Variants in PKD1L1 observed in about 807,000 individuals in gnomAD.
The protein encoded by PKD1L1 is polycystin-1-like protein 1.
PKD1L1 carries 236 observed loss-of-function variants against 323.4 expected under a neutral mutation model. That is an observed-to-expected ratio of 0.73 (90% CI 0.66 to 0.81). The LOEUF is 0.81. Ranked by LOEUF, PKD1L1 falls within the 40% of genes least tolerant of loss-of-function variation. The probability of loss-of-function intolerance (pLI) is 0.00; values close to 1 mark genes in which losing one functional copy is unlikely to be tolerated. For missense variants in PKD1L1, 3,320 were observed against 3,508.0 expected, an observed-to-expected ratio of 0.95 and a Z score of 1.35; for synonymous variants, 1,344 against 1,335.0, an observed-to-expected ratio of 1.01 and a Z score of -0.15.
At chr7:47,808,207 G>A (rs1562939545) in intron 52 of PKD1L1, 40 bp downstream of exon 52, 29 of 1,608,760 alleles carry the variant, frequency 1.8e-5, no homozygotes, top group Non-Finnish European at 2.5e-5. Flanking sequence ...GCATCACAGT[G>A]CATGGCCTCT....
intron 45 of PKD1L1, among the ~76,000 whole-genome samples, chr7:47,822,753 T>C (rs2128732945): frequency 6.6e-6 from 1 of 152,344 alleles, no homozygotes; most frequent in African/African-American, 2.4e-5. Flanking sequence ...TTCATCAGTG[T>C]TTTGTGGTTT....
At chr7:47,905,053 A>G in intron 11 of PKD1L1, 104 bp downstream of exon 11, 1 of 1,288,254 alleles carries the variant, frequency 7.8e-7, no homozygotes. Context: ...TATAATACAA[A>G]TGCAACAGCC....
At chr7:47,801,445 A>T (rs911186679) in intron 53 of PKD1L1, among the ~76,000 whole-genome samples, 4 of 152,062 alleles carry the variant, frequency 2.6e-5, no homozygotes, top group Non-Finnish European at 5.9e-5. Flanking sequence ...TTCTCACTCC[A>T]TCTGCTCCAA....
At position 47,857,696 on chromosome 7, in the gene PKD1L1, G is replaced by A; in HGVS notation, c.4499C>T (p.Pro1500Leu). 1 of 1,614,146 alleles carries A rather than the reference G, an allele frequency of 6.2e-7. No individual in the cohort carries two copies. The highest frequency in any genetic ancestry group is 1.1e-5 in the South Asian group (1 of 91,078). Residue 1500 changes from proline (P) to leucine (L), a missense_variant, in exon 28 of 57, where the codon CCT (proline) becomes CTT (leucine). By Grantham distance (98) the Pro-to-Leu change is moderately conservative. Coordinates refer to ENST00000289672, the MANE Select transcript of PKD1L1 (RefSeq NM_138295.5). ...HLPGDLAGHS[P>L]AGAETQSPCY... ...TGGGCTCTGTGTCTCCGCCCCAGCA[G>A]GACTGTGCCCAGCAAGGTCACCAGG...
intron 28 of PKD1L1, among the ~76,000 whole-genome samples, chr7:47,857,200 C>T (rs987709394): frequency 2.0e-5 from 3 of 152,232 alleles, no homozygotes; most frequent in African/African-American, 7.2e-5. Context: ...TCTTAAGCGT[C>T]ATTCAGGTAT....
intron 28 of PKD1L1, 38 bp downstream of exon 28, chr7:47,857,567 T>G: frequency 6.5e-7 from 1 of 1,548,822 alleles, no homozygotes. Flanking sequence ...AAATTTGAAA[T>G]GGTCATTAGA....
At chr7:47,960,805 G>A in the PKD1L1 span, among the ~76,000 whole-genome samples, 2 of 149,172 alleles carry the variant, frequency 1.3e-5, no homozygotes, top group African/African-American at 4.9e-5. Flanking sequence ...TTAAGAAAAT[G>A]AAAATCAAAA....
intron 8 of PKD1L1, 46 bp downstream of exon 8, chr7:47,915,386 A>G: frequency 1.3e-6 from 1 of 782,758 alleles, no homozygotes; most frequent in Non-Finnish European, 2.4e-6. Context: ...AAACAGCTTT[A>G]TATCAGCCCA....
intron 45 of PKD1L1, among the ~76,000 whole-genome samples, chr7:47,822,607 A>AAC (rs908461859): frequency 6.6e-6 from 1 of 151,218 alleles, no homozygotes; most frequent in African/African-American, 2.4e-5. Flanking sequence ...AAAAAAAAAA[A>AAC]AAAAAAAAAA....
chr7:47,845,082 G>A lies in PKD1L1; in HGVS notation c.5154-4C>T, dbSNP rs1194602229. 1 of 1,612,494 alleles carries A rather than the reference G, an allele frequency of 6.2e-7. No individual in the cohort carries two copies. Among genetic ancestry groups the A allele is most frequent in the African/African-American group, 1.3e-5 (1 of 74,900 alleles). ...GAATGCCGCGAGGCGATGGTAGCTA[G>A]GAGGGAAATGCGGATGAGGATACAG... On this transcript the variant is annotated splice_polypyrimidine_tract_variant and splice_region_variant and intron_variant, in intron 32 of 56. Transcript: ENST00000289672.
At chr7:47,815,550 C>G (rs1030251509) in intron 46 of PKD1L1, 93 bp from the exon 47 acceptor site, 7 of 1,431,130 alleles carry the variant, frequency 4.9e-6, no homozygotes, top group Non-Finnish European at 1.9e-6. Context: ...CAATTTTTCT[C>G]TCATTCAGAT....
In PKD1L1 at chr7:47,882,015, G is replaced by T. The variant is rs1786565905; in HGVS notation, c.3336C>A (p.Asn1112Lys). ...CTGCAGACAGGGAGGGGTCCACCAGGTTATCCCCATCTCCAGGGCTCTCCT... is the reference window on the plus strand; with the variant it reads ...CTGCAGACAGGGAGGGGTCCACCAGTTTATCCCCATCTCCAGGGCTCTCCT... Reference protein sequence around the residue: ...SAEESPGDGDNLVDPSLSAGR... With the variant: ...SAEESPGDGDKLVDPSLSAGR... The change falls in exon 20 of 57, where the codon AAC becomes AAA. Residue 1112 changes from asparagine to lysine, a missense_variant. Asn to Lys is a moderately conservative substitution (Grantham distance 94). Coordinates refer to ENST00000289672, the MANE Select transcript of PKD1L1 (RefSeq NM_138295.5). 6.2e-7 allele frequency: 1 copy of T among 1,614,036 alleles called. No homozygotes were observed. Among genetic ancestry groups the T allele is most frequent in the Non-Finnish European group, 8.5e-7 (1 of 1,179,974 alleles).
chr7:47,854,157 A>G (rs1785846242), intron 30 of PKD1L1, among the ~76,000 whole-genome samples: 1 of 152,240 alleles, frequency 6.6e-6, no homozygotes, highest in Admixed American at 6.5e-5. Context: ...CAGAGATTAA[A>G]CTGCGTGCTA....
intron 4 of PKD1L1, among the ~76,000 whole-genome samples, chr7:47,933,354 C>T (rs989322680): frequency 2.0e-5 from 3 of 152,126 alleles, no homozygotes; most frequent in Non-Finnish European, 4.4e-5. Flanking sequence ...CTTCCTGAGT[C>T]GTCATTTTTT....
chr7:47,809,723 C>T (rs1369458891), intron 50 of PKD1L1, 146 bp from the exon 51 acceptor site: 1 of 559,702 alleles, frequency 1.8e-6, no homozygotes, highest in African/African-American at 1.9e-5. Flanking sequence ...GAGGTTTAAT[C>T]CTAAACTTGC....
chr7:47,948,363 C>T (rs1169083323), intron 1 of PKD1L1, 34 bp downstream of exon 1: 3 of 1,613,198 alleles, frequency 1.9e-6, no homozygotes, highest in Admixed American at 1.7e-5. Context: ...TAAAATCAAG[C>T]TTACCAAACC....
chr7:47,816,530 A>G (rs1264242778), intron 46 of PKD1L1, among the ~76,000 whole-genome samples: 2 of 152,162 alleles, frequency 1.3e-5, no homozygotes, highest in African/African-American at 4.8e-5. Flanking sequence ...ACTTTCTCAT[A>G]CATAGCTTCC....
At position 47,946,713 on chromosome 7, in the gene PKD1L1, G is replaced by C. The variant is rs1472774694; in HGVS notation, c.44+1684C>G. ...CTACAGGCCTAACTCCATGAAATGA[G>C]GGCTACAGGAGAGTCAAGAAACCTC... On this transcript the variant is annotated intron_variant, in intron 1 of 56. Transcript: ENST00000289672. The surrounding 1 kb of genome is among the most constrained non-coding windows in gnomAD (Gnocchi z 4.1). Among the ~76,000 whole-genome samples, 1 of 151,984 alleles carries C rather than the reference G, an allele frequency of 6.6e-6. No individual in the cohort carries two copies. The highest frequency in any genetic ancestry group is 1.5e-5 in the Non-Finnish European group (1 of 68,010).
At chr7:47,928,766 T>C (rs1583681277) in intron 7 of PKD1L1, among the ~76,000 whole-genome samples, 1 of 152,142 alleles carries the variant, frequency 6.6e-6, no homozygotes, top group Non-Finnish European at 1.5e-5. Flanking sequence ...GACTACAAAA[T>C]GTTGGAAATT....
Sources: allele counts gnomAD v4.1 joint callset (sites outside exome capture counted in the v4.1 genomes callset), GRCh38; gene constraint gnomAD v4.1.1; non-coding constraint Gnocchi (gnomAD v3.1); transcripts MANE v1.5; gene names NCBI Gene and HGNC (gene_info 2026-07-23, HGNC 2026-07-21).